The following TUBGCP6 variants were observed in gnomAD, a reference collection of about 807,000 sequenced individuals.
TUBGCP6 encodes the protein gamma-tubulin complex component 6.
TUBGCP6 carries 161 observed loss-of-function variants against 175.8 expected under a neutral mutation model. That is an observed-to-expected ratio of 0.92 (90% confidence interval 0.81 to 1.04). The LOEUF (loss-of-function observed/expected upper bound fraction) is 1.04. TUBGCP6 is among the 50% of genes least tolerant of loss of function. The probability of loss-of-function intolerance (pLI) is 0.00; values close to 1 mark genes in which losing one functional copy is unlikely to be tolerated. For missense variants in TUBGCP6, 2,572 were observed against 2,433.0 expected (o/e 1.06, Z -1.20); for synonymous variants, 1,173 against 1,030.5 (o/e 1.14, Z -2.65).
intron 2 of TUBGCP6, among the ~76,000 whole-genome samples, chr22:50,239,350 T>C (rs541839361): frequency 4.3e-4 from 65 of 152,266 alleles, no homozygotes; most frequent in African/African-American, 1.3e-3. Context: ...CTAATTTTTG[T>C]ATTTTTAGTA....
chr22:50,244,371 C>G lies in TUBGCP6; in HGVS notation c.89G>C (p.Arg30Pro). 6.2e-7 allele frequency: 1 copy of G among 1,613,362 alleles called. No homozygotes were observed. The highest frequency in any genetic ancestry group is 1.3e-5 in the African/African-American group (1 of 75,060). Residue 30 changes from arginine to proline, a missense_variant, in exon 1 of 25, where the codon CGG (arginine) becomes CCG (proline). Physicochemically the swap from Arg to Pro is moderately radical, Grantham distance 103 (BLOSUM62 -2). Coordinates refer to ENST00000248846, the MANE Select transcript of TUBGCP6 (RefSeq NM_020461.4). ...KTHLGQRSVN[R>P]KRAKRSLKKV... ...CTTGAGGCTCCGCTTTGCCCTCTTC[C>G]GGTTCACACTGCGCTGGCCCAGGTG...
Position 50,234,419 on chromosome 22 carries a change from C to A in TUBGCP6, c.906-893G>T, listed in dbSNP as rs1428797501. Among the ~76,000 whole-genome samples, 6 of 150,832 alleles carry A rather than the reference C, an allele frequency of 4.0e-5. No homozygotes were observed. In the South Asian group the frequency reaches 1.3e-3, roughly 32 times the overall value. Reference sequence around the variant, plus strand: ...ACACCCCTGTCCACAGCAGCATCCACACCCAAGTCCACGGCAGCATCATCC... The same window carrying A: ...ACACCCCTGTCCACAGCAGCATCCAAACCCAAGTCCACGGCAGCATCATCC... On this transcript the variant is annotated intron_variant, in intron 2 of 24. Coordinates refer to ENST00000248846, the MANE Select transcript of TUBGCP6 (RefSeq NM_020461.4).
chr22:50,231,432 C>A (rs560353478), intron 3 of TUBGCP6, among the ~76,000 whole-genome samples: 2 of 150,684 alleles, frequency 1.3e-5, no homozygotes, highest in African/African-American at 4.9e-5. Context: ...CCAGCCTGGG[C>A]GACAGAGTGA....
rs756849788 is a variant in TUBGCP6 at position 50,219,752 on chromosome 22, C to T, written c.4207G>A (p.Glu1403Lys). 3 of 1,613,838 alleles carry T rather than the reference C, an allele frequency of 1.9e-6. No homozygotes were observed. Among genetic ancestry groups the T allele is most frequent in the Non-Finnish European group, 2.5e-6 (3 of 1,180,014 alleles). Reference protein sequence around the residue: ...AAQSSPGRGEEAEASAAEAQG... With the variant: ...AAQSSPGRGEKAEASAAEAQG... The stretch of plus-strand genomic sequence containing the variant: ...GCCTCCGCCGCCGATGCCTCCGCCT[C>T]CTCACCACGGCCTGGGCTGCTCTGG... The change falls in exon 18 of 25, where the codon GAG becomes AAG. Residue 1403 changes from glutamate to lysine, a missense_variant. Coordinates refer to ENST00000248846, the MANE Select transcript of TUBGCP6 (RefSeq NM_020461.4).
chr22:50,230,769 CA>C (rs544032515), intron 3 of TUBGCP6, among the ~76,000 whole-genome samples: 2,387 of 89,732 alleles, frequency 0.027, 61 homozygotes, highest in African/African-American at 0.084. Context: ...ATCCTGTCTC[CA>C]AAAAAAAAAA....
At chr22:50,240,890 G>A (rs1460407644) in intron 1 of TUBGCP6, among the ~76,000 whole-genome samples, 2 of 152,212 alleles carry the variant, frequency 1.3e-5, no homozygotes, top group African/African-American at 4.8e-5. Context: ...TCGGGAGGCT[G>A]AGGCAGAAGA....
In TUBGCP6 at chr22:50,229,480, G is replaced by T; in HGVS notation, c.1214C>A (p.Thr405Asn). ...GAAATGACTCAGGCGCGTGTAGCAG[G>T]TCCCATACTCGGCCACTTCCGAGAG... The part of the protein sequence containing the change: ...SLLSEVAEYG[T>N]CYTRLSHFSL... The change falls in exon 4 of 25, where the codon ACC (threonine) becomes AAC (asparagine). Residue 405 changes from threonine (T) to asparagine (N), a missense_variant. Physicochemically the swap from Thr to Asn is moderately conservative, Grantham distance 65 (BLOSUM62 0). Coordinates refer to ENST00000248846, the MANE Select transcript of TUBGCP6 (RefSeq NM_020461.4). 1 of 1,612,970 alleles carries T rather than the reference G, an allele frequency of 6.2e-7. No individual in the cohort carries two copies. The highest frequency in any genetic ancestry group is 8.5e-7 in the Non-Finnish European group (1 of 1,179,722).
Position 50,230,886 on chromosome 22 carries a change from C to T in TUBGCP6, c.1117-1309G>A, listed in dbSNP as rs2064679243. On this transcript the variant is annotated intron_variant, in intron 3 of 24. Transcript: ENST00000248846. Reference sequence around the variant, plus strand: ...ATCACTTGAGGTCAGGGGTTTGAGACCAGCCTCACCAACATGGTGAAAACC... The same window carrying T: ...ATCACTTGAGGTCAGGGGTTTGAGATCAGCCTCACCAACATGGTGAAAACC... Among the ~76,000 whole-genome samples the T allele has an allele frequency of 2.0e-5, 3 of 150,844 alleles. No individual in the cohort carries two copies. The South Asian group carries it at 6.3e-4, about 32-fold the overall frequency.
At position 50,243,711 on chromosome 22, in the gene TUBGCP6, C is replaced by T; in HGVS notation, c.741+8G>A. On this transcript the variant is annotated splice_region_variant and intron_variant, in intron 1 of 24. Coordinates refer to ENST00000248846, the MANE Select transcript of TUBGCP6 (RefSeq NM_020461.4). Reference sequence around the variant, plus strand: ...GAGAGATGAAAGAGGAAAAACTAAACATTCTACCTTAATAGCCAGCCCAGA... The same window carrying T: ...GAGAGATGAAAGAGGAAAAACTAAATATTCTACCTTAATAGCCAGCCCAGA... The T allele has an allele frequency of 6.3e-7, 1 of 1,581,624 alleles. No individual in the cohort carries two copies. Among genetic ancestry groups the T allele is most frequent in the Non-Finnish European group, 8.6e-7 (1 of 1,159,158 alleles).
At chr22:50,229,706 C>A in intron 3 of TUBGCP6, 129 bp from the exon 4 acceptor site, 1 of 883,396 alleles carries the variant, frequency 1.1e-6, no homozygotes, top group Non-Finnish European at 1.7e-6. Flanking sequence ...AAAGCAAATG[C>A]CCAGAAGGCA....
In TUBGCP6 at chr22:50,243,700, G is replaced by A; in HGVS notation, c.741+19C>T. On this transcript the variant is annotated intron_variant, in intron 1 of 24. Coordinates refer to ENST00000248846, the MANE Select transcript of TUBGCP6 (RefSeq NM_020461.4). Reference sequence around the variant, plus strand: ...CCAAACCCCGAGAGAGATGAAAGAGGAAAAACTAAACATTCTACCTTAATA... The same window carrying A: ...CCAAACCCCGAGAGAGATGAAAGAGAAAAAACTAAACATTCTACCTTAATA... The A allele has an allele frequency of 1.3e-6, 2 of 1,581,384 alleles. No individual in the cohort carries two copies. The highest frequency in any genetic ancestry group is 1.1e-5 in the South Asian group (1 of 88,122).
Position 50,221,733 on chromosome 22 carries a change from C to T in TUBGCP6, c.2626G>A (p.Ala876Thr). ...GCCTGCTGCAGCCCCCTGCCACCAG[C>T]CCCCACTGCTAGAGGCTTAAGGGGC... ...PQPLKPLAVGAGGRGLQQAEG... is the reference protein window; with the variant it reads ...PQPLKPLAVGTGGRGLQQAEG... Residue 876 changes from alanine (A) to threonine (T), a missense_variant, in exon 16 of 25, where the codon GCT becomes ACT. By Grantham distance (58) the Ala-to-Thr change is moderately conservative (BLOSUM62 0). Coordinates refer to ENST00000248846, the MANE Select transcript of TUBGCP6 (RefSeq NM_020461.4). 1.3e-6 allele frequency: 2 copies of T among 1,516,280 alleles called. No individual in the cohort carries two copies. The highest frequency in any genetic ancestry group is 1.3e-5 in the South Asian group (1 of 74,898). 93.9% of individuals were successfully genotyped at this position (1,516,280 alleles called of 1,614,324 possible).
chr22:50,221,471 G>A lies in TUBGCP6; in HGVS notation c.2888C>T (p.Thr963Ile), dbSNP rs753044519. ...FSTVLRPAVA[T>I]SPAPGPLQAA... Reference sequence around the variant, plus strand: ...CTGCAGGGGCCCTGGTGCAGGTGAGGTGGCCACAGCTGGCCTCAGGACAGT... The same window carrying A: ...CTGCAGGGGCCCTGGTGCAGGTGAGATGGCCACAGCTGGCCTCAGGACAGT... The change falls in exon 16 of 25, where the codon ACC (threonine) becomes ATC (isoleucine). Residue 963 changes from threonine to isoleucine, a missense_variant. Coordinates refer to ENST00000248846, the MANE Select transcript of TUBGCP6 (RefSeq NM_020461.4). The A allele has an allele frequency of 3.2e-5, 51 of 1,592,390 alleles. No homozygotes were observed. In the South Asian group the frequency reaches 5.6e-4, roughly 18 times the overall value.
chr22:50,232,819 A>C (rs2064711136), intron 3 of TUBGCP6, among the ~76,000 whole-genome samples: 1 of 152,222 alleles, frequency 6.6e-6, no homozygotes. Flanking sequence ...GCAAGACTTC[A>C]TTTTTCTGAA....
At position 50,221,804 on chromosome 22, in the gene TUBGCP6, G is replaced by A. The variant is rs370132155; in HGVS notation, c.2555C>T (p.Ser852Leu). 23 of 1,511,232 alleles carry A rather than the reference G, an allele frequency of 1.5e-5. No homozygotes were observed. Among genetic ancestry groups the A allele is most frequent in the South Asian group, 4.0e-5 (3 of 74,634 alleles). The allele number at this position is 1,511,232 out of a possible 1,614,324, so 93.6% of individuals were successfully genotyped here. A position where few individuals can be genotyped will look rare whatever the true frequency, so the allele number is the denominator to read the frequency against. The change falls in exon 16 of 25, where the codon TCG becomes TTG. Residue 852 changes from serine to leucine, a missense_variant. By Grantham distance (145) the Ser-to-Leu change is moderately radical. Coordinates refer to ENST00000248846, the MANE Select transcript of TUBGCP6 (RefSeq NM_020461.4). ...GCDSGSAEQH[S>L]PAWDGWNRPG... is the part of the protein sequence containing the mutation. ...CCTGTTCCAGCCATCCCAGGCAGGC[G>A]AGTGTTGCTCTGCAGACCCAGAATC...
rs536904710 is a variant in TUBGCP6, at chr22:50,219,335, C to T, written c.4437G>A (p.Thr1479=). 1.6e-5 allele frequency: 26 copies of T among 1,599,020 alleles called. No homozygotes were observed. The East Asian group carries it at 2.7e-4, about 17-fold the overall frequency. The change falls in exon 19 of 25, where the codon ACG becomes ACA. Residue 1479 remains threonine (T), a synonymous_variant. Transcript: ENST00000248846. ...ETAVQLSELL[T]LPVLMKRSIT... is the part of the protein sequence containing the mutation. The stretch of plus-strand genomic sequence containing the variant: ...TGGAGCGCTTCATGAGCACGGGCAG[C>T]GTCAGCAACTCGCTCAGCTGCACAG...
chr22:50,242,768 T>G (rs1197575562), intron 1 of TUBGCP6, among the ~76,000 whole-genome samples: 2 of 152,234 alleles, frequency 1.3e-5, no homozygotes, highest in African/African-American at 4.8e-5. Flanking sequence ...ACTTGAAATG[T>G]GGCTTGTGGG....
In TUBGCP6 at chr22:50,218,824, T is replaced by C. The variant is rs149368919; in HGVS notation, c.4700A>G (p.Gln1567Arg). ...CGGGGTGTCCCCATGCAGGCTGCAC[T>C]GCAGGGCCTTGCTCAGCACAGAGTT... ...VLNSVLSKAL[Q>R]CSLHGDTPHA... The change falls in exon 21 of 25, where the codon CAG (glutamine) becomes CGG (arginine). Residue 1567 changes from glutamine (Q) to arginine (R), a missense_variant. Coordinates refer to ENST00000248846, the MANE Select transcript of TUBGCP6 (RefSeq NM_020461.4). 98 of 1,614,120 alleles carry C rather than the reference T, an allele frequency of 6.1e-5. No individual in the cohort carries two copies. Among genetic ancestry groups the C allele is most frequent in the Middle Eastern group, 1.7e-4 (1 of 6,060 alleles).
chr22:50,217,985 G>C lies in TUBGCP6; in HGVS notation c.5301C>G (p.His1767Gln), dbSNP rs568363933. ...ACTGCTGCATGAGTGCAAAGTTGGG[G>C]TGCTCTGCACCCCGCGGGCCCCCAG... is the stretch of plus-strand genomic sequence containing the variant. ...GPPGGPRGAE[H>Q]PNFALMQQSY... Residue 1767 changes from histidine to glutamine, a missense_variant, in exon 24 of 25, where the codon CAC (histidine) becomes CAG (glutamine). Physicochemically the swap from His to Gln is conservative, Grantham distance 24. Coordinates refer to ENST00000248846, the MANE Select transcript of TUBGCP6 (RefSeq NM_020461.4). The C allele has an allele frequency of 6.2e-7, 1 of 1,610,744 alleles. No individual in the cohort carries two copies. The highest frequency in any genetic ancestry group is 2.2e-5 in the East Asian group (1 of 44,838).
Sources: allele counts gnomAD v4.1 joint callset (sites outside exome capture counted in the v4.1 genomes callset), GRCh38; gene constraint gnomAD v4.1.1; transcripts MANE v1.5; gene names NCBI Gene and HGNC (gene_info 2026-07-23, HGNC 2026-07-21).